The following ADNP2 variants were observed in gnomAD, a reference collection of about 807,000 sequenced individuals.
ADNP2 encodes the protein activity-dependent neuroprotector homeobox protein 2.
ADNP2 carries 8 observed loss-of-function variants against 16.4 expected under a neutral mutation model. The observed-to-expected ratio is 0.49, with a 90% CI of 0.29 to 0.88. ADNP2 has a LOEUF of 0.88. Ranked by LOEUF, ADNP2 falls within the 40% of genes least tolerant of loss-of-function variation. The probability of loss-of-function intolerance (pLI) is 0.09; values close to 1 mark genes in which losing one functional copy is unlikely to be tolerated. For synonymous variants in ADNP2, 637 were observed against 545.8 expected (o/e 1.17, Z -2.33); for missense variants, 1,397 against 1,395.1 (o/e 1.00, Z -0.02).
chr18:80,132,039 G>A lies in ADNP2; in HGVS notation c.109-1064G>A, dbSNP rs2052500370. Among the ~76,000 whole-genome samples the A allele has an allele frequency of 2.6e-5, 4 of 152,296 alleles. No individual in the cohort carries two copies. The South Asian group carries it at 8.3e-4, about 32-fold the overall frequency. ...GAAGTACTTTTTTGTTTCTTTATAT[G>A]TACTCATGAAGCTACATGGGTTTTA... On this transcript the variant is annotated intron_variant, in intron 2 of 3. Transcript: ENST00000262198.
At chr18:80,120,605 G>C (rs2052418250) in intron 2 of ADNP2, among the ~76,000 whole-genome samples, 1 of 151,904 alleles carries the variant, frequency 6.6e-6, no homozygotes, top group African/African-American at 2.4e-5. Flanking sequence ...CCAGAGTGGT[G>C]GGATTATATG....
intron 1 of ADNP2, chr18:80,110,071 A>G (rs1191098246): frequency 1.3e-5 from 2 of 151,940 alleles, no homozygotes; most frequent in Admixed American, 6.6e-5. Context: ...TTTTTTCCCT[A>G]GAAAGGTTTG....
chr18:80,119,368 C>A (rs923219648), intron 2 of ADNP2, among the ~76,000 whole-genome samples: 1 of 147,836 alleles, frequency 6.8e-6, no homozygotes, highest in South Asian at 2.2e-4. Flanking sequence ...GCTGAGATGG[C>A]GCCACTGCAT....
intron 2 of ADNP2, among the ~76,000 whole-genome samples, chr18:80,127,339 G>GTTTTTTTT (rs35560770): frequency 3.9e-5 from 4 of 102,190 alleles, no homozygotes; most frequent in African/African-American, 1.6e-4. Flanking sequence ...GGTTTTTTCA[G>GTTTTTTTT]TTTTTTTTTT....
At position 80,117,656 on chromosome 18, in the gene ADNP2, A is replaced by C; in HGVS notation, c.108+6A>C. ...GCTGCAAGGAGTTACTGAAGGTAAG[A>C]GGACGTAAGTAGCCAACTGGAATCT... On this transcript the variant is annotated splice_donor_region_variant and intron_variant, in intron 2 of 3. Coordinates refer to ENST00000262198, the MANE Select transcript of ADNP2 (RefSeq NM_014913.4). 1.3e-6 allele frequency: 2 copies of C among 1,594,742 alleles called. No homozygotes were observed. Among genetic ancestry groups the C allele is most frequent in the Non-Finnish European group, 1.7e-6 (2 of 1,171,866 alleles).
intron 2 of ADNP2, among the ~76,000 whole-genome samples, chr18:80,127,376 C>G (rs1465195476): frequency 1.3e-5 from 1 of 78,626 alleles, no homozygotes; most frequent in East Asian, 3.6e-4. Flanking sequence ...TTCCCTCTTT[C>G]ATTTTGTGTA....
At position 80,133,085 on chromosome 18, in the gene ADNP2, T is replaced by C; in HGVS notation, c.109-18T>C. 1 of 1,504,964 alleles carries C rather than the reference T, an allele frequency of 6.6e-7. No individual in the cohort carries two copies. Among genetic ancestry groups the C allele is most frequent in the Non-Finnish European group, 9.1e-7 (1 of 1,093,030 alleles). 93.2% of individuals were successfully genotyped at this position (1,504,964 alleles called of 1,614,324 possible). A position where few individuals can be genotyped will look rare whatever the true frequency, so the allele number is the denominator to read the frequency against. On this transcript the variant is annotated intron_variant, in intron 2 of 3. Coordinates refer to ENST00000262198, the MANE Select transcript of ADNP2 (RefSeq NM_014913.4). ...TTCTGAATTTACATAATCTCTTTTT[T>C]TTCTCCCTTTTTAAAAGGACCTTAA...
intron 1 of ADNP2, among the ~76,000 whole-genome samples, chr18:80,111,414 T>G (rs1018034005): frequency 6.6e-6 from 1 of 152,170 alleles, no homozygotes; most frequent in African/African-American, 2.4e-5. Flanking sequence ...TCCTGAAGAT[T>G]ACACAGCTCA....
chr18:80,123,078 T>G (rs1168229820), intron 2 of ADNP2, among the ~76,000 whole-genome samples: 1 of 152,166 alleles, frequency 6.6e-6, no homozygotes, highest in Non-Finnish European at 1.5e-5. Context: ...ACCATGTGAT[T>G]TTTTTCCCCC....
intron 1 of ADNP2, among the ~76,000 whole-genome samples, chr18:80,114,192 CAAAA>C (rs138431229): frequency 9.1e-6 from 1 of 110,296 alleles, no homozygotes. Flanking sequence ...GACCCTGTCT[CAAAA>C]AAAAAAAAAG....
chr18:80,114,190 C>T (rs1208882591), intron 1 of ADNP2, among the ~76,000 whole-genome samples: 1 of 112,534 alleles, frequency 8.9e-6, no homozygotes, highest in Non-Finnish European at 2.0e-5. Context: ...AAGACCCTGT[C>T]TCAAAAAAAA....
chr18:80,122,791 A>T (rs1243638602), intron 2 of ADNP2, among the ~76,000 whole-genome samples: 3 of 152,202 alleles, frequency 2.0e-5, no homozygotes, highest in Non-Finnish European at 2.9e-5. Context: ...TTTTTCAGTT[A>T]CGATGCCTTT....
Position 80,138,455 on chromosome 18 carries a change from T to C in ADNP2, c.3042T>C (p.Val1014=). 6.2e-7 allele frequency: 1 copy of C among 1,614,112 alleles called. No individual in the cohort carries two copies. Among genetic ancestry groups the C allele is most frequent in the Non-Finnish European group, 8.5e-7 (1 of 1,180,044 alleles). The stretch of plus-strand genomic sequence containing the variant: ...CGGGTCCAGAAAAGGTGACGAGTGT[T>C]GTGCCTTTTAAAAGACAAAGGAATG... ...AAPGPEKVTS[V]VPFKRQRNES... Residue 1014 remains valine (V), a synonymous_variant, in exon 4 of 4, where the codon GTT becomes GTC. Transcript: ENST00000262198.
At chr18:80,134,391 GTGTGT>G (rs2145212209) in intron 3 of ADNP2, among the ~76,000 whole-genome samples, 1 of 122,206 alleles carries the variant, frequency 8.2e-6, no homozygotes, top group South Asian at 2.5e-4. Context: ...GGAAGAGTGT[GTGTGT>G]GTGTGTGTGT....
intron 2 of ADNP2, among the ~76,000 whole-genome samples, chr18:80,131,086 G>C (rs11660949): frequency 0.18 from 27,517 of 152,090 alleles, 2,765 homozygotes; most frequent in Middle Eastern, 0.25. Context: ...TTCCTTCTAC[G>C]TTTCCTCCCT....
Position 80,139,127 on chromosome 18 carries a change from T to C in ADNP2, c.*318T>C, listed in dbSNP as rs1398013757. 1 of 218,934 alleles carries C rather than the reference T, an allele frequency of 4.6e-6. No homozygotes were observed. The highest frequency in any genetic ancestry group is 2.3e-5 in the African/African-American group (1 of 44,232). The allele number at this position is 218,934 out of a possible 1,614,324, so 13.6% of individuals were successfully genotyped here. ...GTGTCAGTATCGTATGATAAGAAAC[T>C]GAAATCTATAAATAATTTGCTTTTT... On this transcript the variant is annotated 3_prime_UTR_variant, in exon 4 of 4. Transcript: ENST00000262198.
At chr18:80,129,632 C>T (rs1339842867) in intron 2 of ADNP2, among the ~76,000 whole-genome samples, 1 of 151,092 alleles carries the variant, frequency 6.6e-6, no homozygotes, top group Admixed American at 6.6e-5. Context: ...CTGAAAGGCC[C>T]AGTTGATTCA....
intron 2 of ADNP2, among the ~76,000 whole-genome samples, chr18:80,122,995 C>T (rs900529223): frequency 2.0e-5 from 3 of 151,634 alleles, no homozygotes; most frequent in Admixed American, 6.6e-5. Flanking sequence ...TCCTAGTTTT[C>T]TGAGTGATTT....
chr18:80,137,962 A>G lies in ADNP2; in HGVS notation c.2549A>G (p.Lys850Arg), dbSNP rs2052553644. The G allele has an allele frequency of 1.9e-6, 3 of 1,613,148 alleles. No individual in the cohort carries two copies. Among genetic ancestry groups the G allele is most frequent in the South Asian group, 2.2e-5 (2 of 91,082 alleles). ...GCAATCCTGGCTGGGATACACTCCA[A>G]GTCACTGGTGCCTGTGTATGTGAAG... ...YLAILAGIHS[K>R]SLVPVYVKVR... Residue 850 changes from lysine (K) to arginine (R), a missense_variant, in exon 4 of 4, where the codon AAG (lysine) becomes AGG (arginine). By Grantham distance (26) the Lys-to-Arg change is conservative. Transcript: ENST00000262198. The surrounding 1 kb of genome is among the most constrained non-coding windows in gnomAD (Gnocchi z 4.2).
Sources: gnomAD v4.1 joint callset for allele counts (sites outside exome capture counted in the v4.1 genomes callset) on GRCh38, gnomAD v4.1.1 for gene constraint, Gnocchi (gnomAD v3.1) non-coding constraint, MANE v1.5 for transcripts, NCBI Gene and HGNC (gene_info 2026-07-23, HGNC 2026-07-21) for gene names.